The following FILIP1L variants were observed in gnomAD, a reference collection of about 807,000 sequenced individuals.
FILIP1L encodes the protein filamin A-interacting protein 1-like.
FILIP1L carries 55 observed loss-of-function variants against 96.6 expected under a neutral mutation model. The observed-to-expected ratio is 0.57, with a 90% confidence interval of 0.46 to 0.71. The LOEUF is 0.71. FILIP1L is among the 30% of genes least tolerant of loss of function. The pLI is 0.00. For missense variants in FILIP1L, 1,304 were observed against 1,321.2 expected (o/e 0.99, Z 0.20); for synonymous variants, 467 against 473.9 (o/e 0.99, Z 0.19).
intron 1 of FILIP1L, among the ~76,000 whole-genome samples, chr3:100,093,683 A>G (rs2066153066): frequency 6.6e-6 from 1 of 152,172 alleles, no homozygotes. Flanking sequence ...TTCACCTTTT[A>G]TAGCCACAAC....
At chr3:99,914,709 A>G (rs547944090) in intron 4 of FILIP1L, among the ~76,000 whole-genome samples, 27 of 152,260 alleles carry the variant, frequency 1.8e-4, no homozygotes, top group Non-Finnish European at 3.5e-4. Context: ...GCAATTTCAC[A>G]TATAAGAATT....
chr3:100,032,443 A>T (rs2065036601), intron 1 of FILIP1L, among the ~76,000 whole-genome samples: 1 of 152,220 alleles, frequency 6.6e-6, no homozygotes, highest in Admixed American at 6.5e-5. Flanking sequence ...AGAACATTTT[A>T]TTCGGAATGG....
At chr3:100,047,537 A>G (rs1453431141) in intron 1 of FILIP1L, among the ~76,000 whole-genome samples, 1 of 152,232 alleles carries the variant, frequency 6.6e-6, no homozygotes, top group Non-Finnish European at 1.5e-5. Context: ...CTGACTGCGA[A>G]TGATTAAGTG....
At chr3:100,060,404 C>A (rs759137731) in intron 1 of FILIP1L, among the ~76,000 whole-genome samples, 3 of 152,058 alleles carry the variant, frequency 2.0e-5, no homozygotes, top group Non-Finnish European at 4.4e-5. Flanking sequence ...AAGGCAGCTC[C>A]TTGGCCTAGC....
At chr3:100,074,190 C>A (rs920954855) in intron 1 of FILIP1L, among the ~76,000 whole-genome samples, 1 of 152,168 alleles carries the variant, frequency 6.6e-6, no homozygotes, top group Non-Finnish European at 1.5e-5. Flanking sequence ...GTTTATCCTG[C>A]AGTGGAGTCC....
chr3:99,832,189 C>T (rs1436747724), intron 5 of FILIP1L, among the ~76,000 whole-genome samples: 2 of 150,990 alleles, frequency 1.3e-5, no homozygotes, highest in Non-Finnish European at 2.9e-5. Context: ...GCAGCAAAGG[C>T]TTGTTATTTT....
rs1421688977 is a variant in FILIP1L at position 99,838,269 on chromosome 3, G to GTGGGGCTT, written c.3382-7672_3382-7665dup. Among the ~76,000 whole-genome samples the GTGGGGCTT allele has an allele frequency of 1.9e-4, 29 of 152,316 alleles. 1 individual carries two copies. The highest frequency in any genetic ancestry group is 2.6e-4 in the Non-Finnish European group (18 of 68,042). ...GTCTTCCCCGTGCCTGCCCATTTGT[G>GTGGGGCTT]TGGGGCTTGGCTTCTCACATTCATT... On this transcript the variant is annotated intron_variant, in intron 5 of 5. Coordinates refer to ENST00000477258, the MANE Select transcript of FILIP1L (RefSeq NM_001387850.1).
chr3:100,098,107 A>G (rs886742589), intron 1 of FILIP1L, among the ~76,000 whole-genome samples: 1 of 152,172 alleles, frequency 6.6e-6, no homozygotes, highest in Non-Finnish European at 1.5e-5. Context: ...CTGTGCTGTA[A>G]TTTGTTATTG....
intron 1 of FILIP1L, chr3:100,075,674 A>G (rs1191943140): frequency 1.3e-5 from 2 of 151,904 alleles, no homozygotes; most frequent in Non-Finnish European, 2.9e-5. Context: ...CTATAATATA[A>G]ATTCTCGGAA....
At chr3:99,907,340 C>T (rs929271773) in intron 4 of FILIP1L, among the ~76,000 whole-genome samples, 4 of 152,060 alleles carry the variant, frequency 2.6e-5, no homozygotes, top group South Asian at 4.2e-4. Flanking sequence ...CTCCACCTCC[C>T]GGGTTCATGC....
chr3:99,849,200 G>T lies in FILIP1L; in HGVS notation c.2476C>A (p.Gln826Lys). Residue 826 changes from glutamine (Q) to lysine (K), a missense_variant, in exon 5 of 6, where the codon CAG becomes AAG. Gln to Lys is a moderately conservative substitution (Grantham distance 53, BLOSUM62 1). Coordinates refer to ENST00000477258, the MANE Select transcript of FILIP1L (RefSeq NM_001387850.1). ...TGATTCTCACTCTCCTCATATAACT[G>T]ACCATTGATGACTGCACGTTCCAGA... ...IPLERAVINGQLYEESENQDE... is the reference protein window; with the variant it reads ...IPLERAVINGKLYEESENQDE... 1.2e-6 allele frequency: 2 copies of T among 1,614,038 alleles called. No homozygotes were observed. The highest frequency in any genetic ancestry group is 1.7e-5 in the Admixed American group (1 of 60,012).
intron 1 of FILIP1L, among the ~76,000 whole-genome samples, chr3:100,033,683 A>G (rs1282611867): frequency 2.6e-5 from 4 of 152,154 alleles, no homozygotes; most frequent in African/African-American, 9.7e-5. Flanking sequence ...ATAAGTTCAG[A>G]AAGTGCCTCT....
At chr3:99,990,042 T>C (rs1159559354) in intron 1 of FILIP1L, among the ~76,000 whole-genome samples, 1 of 152,214 alleles carries the variant, frequency 6.6e-6, no homozygotes, top group Non-Finnish European at 1.5e-5. Context: ...TCCCATAAAA[T>C]GACTATTTTT....
At chr3:99,972,325 T>C (rs1302772855) in intron 1 of FILIP1L, among the ~76,000 whole-genome samples, 1 of 152,208 alleles carries the variant, frequency 6.6e-6, no homozygotes, top group African/African-American at 2.4e-5. Context: ...GGGATTTGCA[T>C]GTGGAAAACT....
At chr3:99,909,695 A>C (rs1706731656) in intron 4 of FILIP1L, among the ~76,000 whole-genome samples, 1 of 152,238 alleles carries the variant, frequency 6.6e-6, no homozygotes, top group African/African-American at 2.4e-5. Context: ...AAAGTCCATC[A>C]CACTGCTAAT....
intron 1 of FILIP1L, among the ~76,000 whole-genome samples, chr3:100,092,962 C>T (rs2066138617): frequency 6.6e-6 from 1 of 151,886 alleles, no homozygotes; most frequent in Admixed American, 6.6e-5. Context: ...ATAACTCTCA[C>T]TACCTATGGA....
intron 1 of FILIP1L, among the ~76,000 whole-genome samples, chr3:99,994,086 ATTT>A (rs1709602676): frequency 6.6e-6 from 1 of 152,126 alleles, no homozygotes; most frequent in African/African-American, 2.4e-5. Flanking sequence ...CTGTGAATCC[ATTT>A]GATCTTGTGC....
chr3:100,028,790 G>T lies in FILIP1L; in HGVS notation c.-11+85263C>A, dbSNP rs1348341619. 1.3e-5 allele frequency among the ~76,000 whole-genome samples: 2 copies of T among 152,060 alleles called. 1 individual carries two copies. The highest frequency in any genetic ancestry group is 2.9e-5 in the Non-Finnish European group (2 of 68,028). On this transcript the variant is annotated intron_variant, in intron 1 of 5. Transcript: ENST00000477258. ...AGTTCTTGTTTTCTTAAGAAGAGTTGACTCTGATAAGCTATCACACCAACT... is the reference window on the plus strand; with the variant it reads ...AGTTCTTGTTTTCTTAAGAAGAGTTTACTCTGATAAGCTATCACACCAACT...
intron 4 of FILIP1L, among the ~76,000 whole-genome samples, chr3:99,896,043 T>C (rs1706240390): frequency 6.6e-6 from 1 of 152,222 alleles, no homozygotes; most frequent in Non-Finnish European, 1.5e-5. Context: ...TTATAAAGCA[T>C]GAGTCATGGA....
Sources: gnomAD v4.1 joint callset for allele counts (sites outside exome capture counted in the v4.1 genomes callset) on GRCh38, gnomAD v4.1.1 for gene constraint, MANE v1.5 for transcripts, NCBI Gene and HGNC (gene_info 2026-07-23, HGNC 2026-07-21) for gene names.